Variants in BTBD9 observed in about 807,000 individuals in gnomAD.
BTBD9 encodes BTB domain containing 9.
Under a neutral mutation model 64.3 loss-of-function variants are expected in BTBD9, and 49 were observed. That is an observed-to-expected ratio of 0.76 (90% confidence interval 0.61 to 0.97). The LOEUF (loss-of-function observed/expected upper bound fraction) is 0.97. Ranked by LOEUF, BTBD9 falls within the 50% of genes least tolerant of loss-of-function variation. BTBD9 has a pLI of 0.00. For synonymous variants in BTBD9, 260 were observed against 274.7 expected (o/e 0.95, Z 0.53); for missense variants, 598 against 762.1 (o/e 0.78, Z 2.53).
chr6:38,460,090 C>T (rs755170961), intron 6 of BTBD9, among the ~76,000 whole-genome samples: 5 of 152,142 alleles, frequency 3.3e-5, no homozygotes, highest in East Asian at 1.9e-4. Context: ...ACAATTATTT[C>T]GGGGAGATAA....
At position 38,175,146 on chromosome 6, in the gene BTBD9, G is replaced by A. The variant is rs1436018202; in HGVS notation, c.1678C>T (p.Gln560Ter). ...CTATTTTCCTCCTTCTGGCTGCTCT[G>A]CTGCTCTGGACACTCAAAGTGGACA... ...HCVHFECPEQ[Q>*]SSQKEENSEE... The change falls in exon 11 of 11, where the codon CAG (glutamine) becomes TAG (stop). Residue 560 changes from glutamine to a stop codon, truncating the protein, a stop_gained. Coordinates refer to ENST00000481247, the MANE Select transcript of BTBD9 (RefSeq NM_001099272.2). LOFTEE classifies it high-confidence loss of function. 1.2e-6 allele frequency: 2 copies of A among 1,614,002 alleles called. No individual in the cohort carries two copies. The highest frequency in any genetic ancestry group is 1.7e-6 in the Non-Finnish European group (2 of 1,179,976).
chr6:38,328,968 A>ATGTGTGTGTGTGTGTGTG (rs70981541), intron 7 of BTBD9, among the ~76,000 whole-genome samples: 1 of 127,318 alleles, frequency 7.9e-6, no homozygotes, highest in Non-Finnish European at 1.6e-5. Context: ...GAAAGAAAAT[A>ATGTGTGTGTGTGTGTGTG]TGTGTGTGTG....
At chr6:38,628,214 TAGAG>T (rs1416113979) in intron 1 of BTBD9, among the ~76,000 whole-genome samples, 5 of 151,926 alleles carry the variant, frequency 3.3e-5, no homozygotes, top group Non-Finnish European at 5.9e-5. Context: ...AAATGAAAAA[TAGAG>T]AGAGGGGCAC....
chr6:38,278,433 G>A (rs1490114305), intron 8 of BTBD9, among the ~76,000 whole-genome samples: 1 of 152,150 alleles, frequency 6.6e-6, no homozygotes, highest in Non-Finnish European at 1.5e-5. Flanking sequence ...AACATATAAT[G>A]GCAGTTTCTA....
chr6:38,618,175 G>C (rs1777854245), intron 1 of BTBD9, among the ~76,000 whole-genome samples: 1 of 152,198 alleles, frequency 6.6e-6, no homozygotes, highest in African/African-American at 2.4e-5. Flanking sequence ...GCTCACCCTT[G>C]AAATGCATCC....
chr6:38,484,773 A>C (rs1388440701), intron 6 of BTBD9, among the ~76,000 whole-genome samples: 4 of 152,242 alleles, frequency 2.6e-5, no homozygotes, highest in African/African-American at 9.6e-5. Flanking sequence ...ATTGCTAAAA[A>C]ATGTTAACAA....
chr6:38,424,565 G>T (rs1273292953), intron 6 of BTBD9, among the ~76,000 whole-genome samples: 1 of 151,936 alleles, frequency 6.6e-6, no homozygotes, highest in African/African-American at 2.4e-5. Context: ...CGCCCAGGCT[G>T]GAGTGCAGTG....
chr6:38,262,721 T>C (rs1764836213), intron 8 of BTBD9, among the ~76,000 whole-genome samples: 1 of 152,244 alleles, frequency 6.6e-6, no homozygotes, highest in South Asian at 2.1e-4. Flanking sequence ...AGTTGCTCTC[T>C]CATCAGTCTG....
chr6:38,270,336 A>G (rs565783400), intron 8 of BTBD9, among the ~76,000 whole-genome samples: 79 of 126,826 alleles, frequency 6.2e-4, no homozygotes, highest in Middle Eastern at 3.7e-3. Context: ...CTTACCCCCC[A>G]CCCCCCACTA....
chr6:38,376,021 T>C (rs980423388), intron 6 of BTBD9, among the ~76,000 whole-genome samples: 2 of 152,178 alleles, frequency 1.3e-5, no homozygotes, highest in Non-Finnish European at 2.9e-5. Context: ...CTGTCTTATA[T>C]GTCATGTTCA....
At chr6:38,632,858 G>A (rs1778408359) in intron 1 of BTBD9, among the ~76,000 whole-genome samples, 1 of 152,172 alleles carries the variant, frequency 6.6e-6, no homozygotes, top group South Asian at 2.1e-4. Context: ...CTTGAGCCCA[G>A]GAGGTCGAGG....
At chr6:38,425,404 C>T (rs1023670328) in intron 6 of BTBD9, among the ~76,000 whole-genome samples, 17 of 151,806 alleles carry the variant, frequency 1.1e-4, no homozygotes, top group African/African-American at 3.9e-4. Context: ...CATAAGTCAC[C>T]GAGCCCAGCC....
chr6:38,619,903 C>G (rs1371581229), intron 1 of BTBD9, among the ~76,000 whole-genome samples: 2 of 152,168 alleles, frequency 1.3e-5, no homozygotes, highest in African/African-American at 2.4e-5. Flanking sequence ...GACATATTAG[C>G]CAAAGCTGGA....
At chr6:38,229,114 C>T (rs1296910559) in intron 9 of BTBD9, among the ~76,000 whole-genome samples, 3 of 151,186 alleles carry the variant, frequency 2.0e-5, no homozygotes, top group Admixed American at 1.3e-4. Flanking sequence ...AGGAGAATCA[C>T]TTGAACTTGG....
chr6:38,547,099 T>C (rs995265390), intron 6 of BTBD9, among the ~76,000 whole-genome samples: 3 of 152,170 alleles, frequency 2.0e-5, no homozygotes, highest in Non-Finnish European at 4.4e-5. Context: ...CTCCATCAAC[T>C]GGCTGTTCCC....
chr6:38,345,840 G>C (rs1764257815), intron 6 of BTBD9, among the ~76,000 whole-genome samples: 1 of 152,152 alleles, frequency 6.6e-6, no homozygotes, highest in South Asian at 2.1e-4. Flanking sequence ...TAACTCCCTG[G>C]AGACTTCATC....
chr6:38,323,158 A>G (rs77957322), intron 7 of BTBD9, among the ~76,000 whole-genome samples: 1 of 152,194 alleles, frequency 6.6e-6, no homozygotes, highest in Non-Finnish European at 1.5e-5. Flanking sequence ...GTCTACAATA[A>G]CATTATGTAT....
rs546276835 is a variant in BTBD9, at chr6:38,539,783, T to C, written c.1154+37817A>G. The stretch of plus-strand genomic sequence containing the variant: ...TAGAAAGTAAACCAATTGTAAGAGA[T>C]AAATGAGATTTGACTACAGGTGTTA... On this transcript the variant is annotated intron_variant, in intron 6 of 10. Coordinates refer to ENST00000481247, the MANE Select transcript of BTBD9 (RefSeq NM_001099272.2). Among the ~76,000 whole-genome samples the C allele has an allele frequency of 2.6e-5, 4 of 152,308 alleles. No individual in the cohort carries two copies. The South Asian group carries it at 8.3e-4, about 32-fold the overall frequency.
At chr6:38,507,314 G>A (rs1772569635) in intron 6 of BTBD9, among the ~76,000 whole-genome samples, 1 of 152,186 alleles carries the variant, frequency 6.6e-6, no homozygotes, top group Admixed American at 6.5e-5. Flanking sequence ...TCTCACAGAA[G>A]ACTCTTACTA....
Sources: gnomAD v4.1 joint callset for allele counts (sites outside exome capture counted in the v4.1 genomes callset) on GRCh38, gnomAD v4.1.1 for gene constraint, MANE v1.5 for transcripts, NCBI Gene and HGNC (gene_info 2026-07-23, HGNC 2026-07-21) for gene names.